Variants in PARP1 observed in about 807,000 individuals in gnomAD.
The protein encoded by PARP1 is poly [ADP-ribose] polymerase 1.
PARP1 carries 44 observed loss-of-function variants against 118.7 expected under a neutral mutation model. That is an observed-to-expected ratio of 0.37 (90% CI 0.29 to 0.48). The LOEUF (loss-of-function observed/expected upper bound fraction) is 0.48. Ranked by LOEUF, PARP1 falls within the 20% of genes least tolerant of loss-of-function variation. The probability of loss-of-function intolerance (pLI) is 0.99; values close to 1 mark genes in which losing one functional copy is unlikely to be tolerated. For missense variants in PARP1, 1,100 were observed against 1,272.4 expected (o/e 0.86, Z 2.06); for synonymous variants, 492 against 483.2 (o/e 1.02, Z -0.24).
intron 2 of PARP1, among the ~76,000 whole-genome samples, chr1:226,397,482 T>C (rs1018154805): frequency 6.6e-6 from 1 of 152,106 alleles, no homozygotes; most frequent in African/African-American, 2.4e-5. Flanking sequence ...GACAGTGATA[T>C]GGTTTGGATC....
In PARP1 at chr1:226,364,080, C is replaced by A; in HGVS notation, c.2659-10G>T. The A allele has an allele frequency of 6.2e-7, 1 of 1,613,604 alleles. No homozygotes were observed. The highest frequency in any genetic ancestry group is 1.1e-5 in the South Asian group (1 of 91,022). On this transcript the variant is annotated splice_polypyrimidine_tract_variant and intron_variant, in intron 19 of 22. Transcript: ENST00000366794. Reference sequence around the variant, plus strand: ...CAAACATGTAGCCTGTCTGGAAGGTCGGAAAAGGGAGAGCTGAGAATCTTC... The same window carrying A: ...CAAACATGTAGCCTGTCTGGAAGGTAGGAAAAGGGAGAGCTGAGAATCTTC...
chr1:226,366,844 C>T (rs1034781349), intron 17 of PARP1: 3 of 163,760 alleles, frequency 1.8e-5, no homozygotes, highest in South Asian at 1.6e-4. Context: ...AACATACTCT[C>T]GCCCACCCAA....
intron 15 of PARP1, among the ~76,000 whole-genome samples, chr1:226,369,782 C>G (rs547465278): frequency 6.6e-6 from 1 of 151,874 alleles, no homozygotes; most frequent in Non-Finnish European, 1.5e-5. Context: ...TAGTGAAACC[C>G]CACCTCTACT....
At chr1:226,369,800 C>T (rs1664341700) in intron 15 of PARP1, among the ~76,000 whole-genome samples, 1 of 151,780 alleles carries the variant, frequency 6.6e-6, no homozygotes, top group Non-Finnish European at 1.5e-5. Context: ...ACTAAAAATA[C>T]AAAAAAATTA....
intron 21 of PARP1, among the ~76,000 whole-genome samples, chr1:226,362,778 C>T (rs1416611576): frequency 2.0e-5 from 3 of 152,132 alleles, no homozygotes; most frequent in African/African-American, 4.8e-5. Context: ...TCTCCTGTGG[C>T]ATCTGTGATA....
intron 5 of PARP1, among the ~76,000 whole-genome samples, chr1:226,387,326 G>A (rs1664734467): frequency 6.6e-6 from 1 of 152,164 alleles, no homozygotes; most frequent in South Asian, 2.1e-4. Context: ...TGCTGAGGAA[G>A]CTATCAGCCT....
At chr1:226,385,862 G>A (rs970086160) in intron 6 of PARP1, among the ~76,000 whole-genome samples, 182 bp from the exon 7 acceptor site, 2 of 152,174 alleles carry the variant, frequency 1.3e-5, no homozygotes, top group Non-Finnish European at 2.9e-5. Flanking sequence ...ATGGAGCTTG[G>A]ATTCTTGTAG....
chr1:226,363,128 T>G lies in PARP1; in HGVS notation c.2819A>C (p.Lys940Thr), dbSNP rs3219145. Residue 940 changes from lysine to threonine, a missense_variant, in exon 21 of 23, where the codon AAG becomes ACG. Physicochemically the swap from Lys to Thr is moderately conservative, Grantham distance 78 (BLOSUM62 -1). This residue lies in a region of PARP1 where 152 missense variants were observed against 240.6 expected (regional missense o/e 0.63). Coordinates refer to ENST00000366794, the MANE Select transcript of PARP1 (RefSeq NM_001618.4). ...GACACTGTGCTTGCCCTTGGGTAAC[T>G]TGCTGATATGTGAAGCGTGCTTCAG... The part of the protein sequence containing the change: ...YELKHASHIS[K>T]LPKGKHSVKG... 16 of 1,613,922 alleles carry G rather than the reference T, an allele frequency of 9.9e-6. No individual in the cohort carries two copies. The highest frequency in any genetic ancestry group is 1.3e-5 in the Non-Finnish European group (15 of 1,179,800).
intron 15 of PARP1, among the ~76,000 whole-genome samples, chr1:226,369,005 AC>A (rs1166162251): frequency 6.6e-6 from 1 of 152,246 alleles, no homozygotes; most frequent in African/African-American, 2.4e-5. Context: ...CCGAAGCCCC[AC>A]GCCTGCTTCT....
In PARP1 at chr1:226,367,608, C is replaced by T. The variant is rs910261998; in HGVS notation, c.2278G>A (p.Ala760Thr). Reference protein sequence around the residue: ...PLLNNADSVQAKVEMLDNLLD... With the variant: ...PLLNNADSVQTKVEMLDNLLD... ...AGGTTGTCAAGCATTTCCACCTTGG[C>T]CTGGAGGAGCAAAAGAAAGCCCCCG... is the stretch of plus-strand genomic sequence containing the variant. Residue 760 changes from alanine (A) to threonine (T), a missense_variant and splice_region_variant, in exon 17 of 23, where the codon GCC becomes ACC. By Grantham distance (58) the Ala-to-Thr change is moderately conservative (BLOSUM62 0). This residue lies in a region of PARP1 where 948 missense variants were observed against 1,031.8 expected (regional missense o/e 0.92). Transcript: ENST00000366794. 1.9e-5 allele frequency: 31 copies of T among 1,613,952 alleles called. No individual in the cohort carries two copies. The highest frequency in any genetic ancestry group is 2.5e-5 in the Non-Finnish European group (30 of 1,180,032).
rs200812750 is a variant in PARP1, at chr1:226,402,236, T to C, written c.264A>G (p.Thr88=). Residue 88 remains threonine, a synonymous_variant, in exon 2 of 23, where the codon ACA becomes ACG. Transcript: ENST00000366794. The part of the protein sequence containing the change: ...RWDDQQKVKK[T]AEAGGVTGKG... Reference sequence around the variant, plus strand: ...CACCTGTCACTCCTCCAGCTTCCGCTGTCTTCTTGACTTTCTGCTGGTCAT... The same window carrying C: ...CACCTGTCACTCCTCCAGCTTCCGCCGTCTTCTTGACTTTCTGCTGGTCAT... 143 of 1,614,252 alleles carry C rather than the reference T, an allele frequency of 8.9e-5. No individual in the cohort carries two copies. In the Admixed American group the frequency reaches 9.2e-4, roughly 10 times the overall value.
At chr1:226,361,838 C>A (rs1261762466) in intron 22 of PARP1, 131 bp downstream of exon 22, 3 of 721,566 alleles carry the variant, frequency 4.2e-6, no homozygotes, top group East Asian at 5.4e-5. Flanking sequence ...AGAAGGGAAA[C>A]AGTCACCATG....
At chr1:226,405,801 A>G (rs555610443) in intron 1 of PARP1, among the ~76,000 whole-genome samples, 68 of 152,188 alleles carry the variant, frequency 4.5e-4, no homozygotes, top group Non-Finnish European at 1.9e-4. Context: ...TCAGAATAAC[A>G]TTTAAAAATG....
chr1:226,368,668 C>T (rs1289808440), intron 15 of PARP1, among the ~76,000 whole-genome samples: 1 of 152,198 alleles, frequency 6.6e-6, no homozygotes, highest in Admixed American at 6.5e-5. Flanking sequence ...TGTAAAATTC[C>T]TTCAACTTTT....
At chr1:226,406,958 T>C (rs1233358775) in intron 1 of PARP1, among the ~76,000 whole-genome samples, 2 of 152,050 alleles carry the variant, frequency 1.3e-5, no homozygotes, top group Non-Finnish European at 2.9e-5. Context: ...GGGTAATATG[T>C]TGGAAGCGAG....
Position 226,388,635 on chromosome 1 carries a change from G to A in PARP1, c.717+21C>T, listed in dbSNP as rs3219047. 1.3e-3 allele frequency: 1,958 copies of A among 1,472,878 alleles called. 24 individuals carry two copies. The African/African-American group carries it at 0.024, about 18-fold the overall frequency. The allele number at this position is 1,472,878 out of a possible 1,614,324, so 91.2% of individuals were successfully genotyped here. Reference sequence around the variant, plus strand: ...TCCAGACAGCAGAATGTCGAAAGGAGACACAGAGCTGAGAACTCACCTTTA... The same window carrying A: ...TCCAGACAGCAGAATGTCGAAAGGAAACACAGAGCTGAGAACTCACCTTTA... On this transcript the variant is annotated intron_variant, in intron 5 of 22. Coordinates refer to ENST00000366794, the MANE Select transcript of PARP1 (RefSeq NM_001618.4).
intron 1 of PARP1, among the ~76,000 whole-genome samples, chr1:226,406,501 A>C (rs1328964760): frequency 1.3e-5 from 2 of 152,182 alleles, no homozygotes; most frequent in Admixed American, 6.5e-5. Flanking sequence ...AACGACTCCT[A>C]ATCAAGCTTC....
rs191448077 is a variant in PARP1, at chr1:226,396,707, T to C, written c.287-4393A>G. Among the ~76,000 whole-genome samples, 72 of 152,262 alleles carry C rather than the reference T, an allele frequency of 4.7e-4. No homozygotes were observed. In the East Asian group the frequency reaches 0.011, roughly 22 times the overall value. On this transcript the variant is annotated intron_variant, in intron 2 of 22. Transcript: ENST00000366794. ...AAAGACACATTTTCAGTAAAATCATTATGCCTTTTCATATTATAAAATTAC... is the reference window on the plus strand; with the variant it reads ...AAAGACACATTTTCAGTAAAATCATCATGCCTTTTCATATTATAAAATTAC...
chr1:226,391,901 A>G (rs1052561484), intron 3 of PARP1, among the ~76,000 whole-genome samples: 1 of 152,174 alleles, frequency 6.6e-6, no homozygotes, highest in Admixed American at 6.5e-5. Context: ...ATTCTACCAT[A>G]AAACACAGAC....
Sources: allele counts gnomAD v4.1 joint callset (sites outside exome capture counted in the v4.1 genomes callset), GRCh38; gene constraint gnomAD v4.1.1; regional missense constraint gnomAD v4.1.1; transcripts MANE v1.5; gene names NCBI Gene and HGNC (gene_info 2026-07-23, HGNC 2026-07-21).